SH3BGRL2: variants seen among roughly 807,000 people sequenced by gnomAD.
The protein encoded by SH3BGRL2 is SH3 domain-binding glutamic acid-rich-like protein 2.
Under a neutral mutation model 14.8 loss-of-function variants are expected in SH3BGRL2, and 21 were observed. The ratio of observed to expected loss-of-function variants is 1.42; its 90% CI spans 1.01 to 2.05. The LOEUF is 2.05. Among genes scored for constraint, SH3BGRL2 ranks in the 30% most tolerant of loss-of-function variants. The pLI is 0.00. For missense variants in SH3BGRL2, 147 were observed against 130.8 expected (o/e 1.12, Z -0.61); for synonymous variants, 50 against 47.8 (o/e 1.05, Z -0.19).
At chr6:79,597,825 C>T in the SH3BGRL2 span, among the ~76,000 whole-genome samples, 2 of 152,138 alleles carry the variant, frequency 1.3e-5, no homozygotes, top group Middle Eastern at 3.2e-3. Flanking sequence ...GAAAAGACAA[C>T]CCACCAAATG....
chr6:79,537,825 A>G, the SH3BGRL2 span, among the ~76,000 whole-genome samples: 1 of 152,064 alleles, frequency 6.6e-6, no homozygotes, highest in African/African-American at 2.4e-5. Context: ...ACAAATTACA[A>G]ACAAACTGCT....
At chr6:79,555,787 C>T in the SH3BGRL2 span, among the ~76,000 whole-genome samples, 1 of 152,112 alleles carries the variant, frequency 6.6e-6, no homozygotes, top group African/African-American at 2.4e-5. Context: ...GGATTACAGG[C>T]GTGAGCCACC....
chr6:79,673,940 G>A lies in SH3BGRL2; in HGVS notation c.231+141G>A, dbSNP rs562826909. 117 of 835,174 alleles carry A rather than the reference G, an allele frequency of 1.4e-4. No homozygotes were observed. The African/African-American group carries it at 1.8e-3, about 13-fold the overall frequency. 51.7% of individuals were successfully genotyped at this position (835,174 alleles called of 1,614,324 possible). On this transcript the variant is annotated intron_variant, in intron 2 of 3. Transcript: ENST00000369838. ...CAGATCCACATGTCTAACAGAGGGTGAAGTTGAGAAGGGATGTGAGTCCAA... is the reference window on the plus strand; with the variant it reads ...CAGATCCACATGTCTAACAGAGGGTAAAGTTGAGAAGGGATGTGAGTCCAA...
the SH3BGRL2 span, among the ~76,000 whole-genome samples, chr6:79,611,608 C>T: frequency 3.9e-5 from 6 of 152,126 alleles, no homozygotes; most frequent in Non-Finnish European, 7.4e-5. Flanking sequence ...GGCGGGGTTT[C>T]GCCATGTTGG....
intron 2 of SH3BGRL2, among the ~76,000 whole-genome samples, chr6:79,695,811 A>G (rs1289973842): frequency 1.3e-5 from 2 of 152,238 alleles, no homozygotes; most frequent in African/African-American, 4.8e-5. Context: ...ACTGCTTTAC[A>G]TATGATAAAT....
chr6:79,540,601 C>T, the SH3BGRL2 span, among the ~76,000 whole-genome samples: 1 of 151,994 alleles, frequency 6.6e-6, no homozygotes, highest in African/African-American at 2.4e-5. Flanking sequence ...TTAAAGGATA[C>T]AGTTTCTGAT....
At chr6:79,678,261 A>G (rs1382139537) in intron 2 of SH3BGRL2, among the ~76,000 whole-genome samples, 1 of 151,914 alleles carries the variant, frequency 6.6e-6, no homozygotes, top group African/African-American at 2.4e-5. Context: ...TTCATCTTGC[A>G]GATCTGAAAC....
intron 1 of SH3BGRL2, among the ~76,000 whole-genome samples, chr6:79,653,127 A>G (rs904003329): frequency 6.6e-6 from 1 of 152,214 alleles, no homozygotes; most frequent in Non-Finnish European, 1.5e-5. Flanking sequence ...TCATTTTGTC[A>G]AAGAGACTCC....
chr6:79,583,205 A>G, the SH3BGRL2 span, among the ~76,000 whole-genome samples: 3 of 152,234 alleles, frequency 2.0e-5, no homozygotes, highest in African/African-American at 7.2e-5. Context: ...TAGTTCAACC[A>G]TTGTGGAACA....
chr6:79,548,378 T>C, the SH3BGRL2 span, among the ~76,000 whole-genome samples: 2 of 152,368 alleles, frequency 1.3e-5, no homozygotes, highest in Middle Eastern at 3.4e-3. Flanking sequence ...ATTATTATTT[T>C]CATTATTAAA....
chr6:79,555,828 A>G, the SH3BGRL2 span, among the ~76,000 whole-genome samples: 1 of 152,206 alleles, frequency 6.6e-6, no homozygotes, highest in African/African-American at 2.4e-5. Context: ...TTTTAAAATG[A>G]AAATTAATAA....
the SH3BGRL2 span, among the ~76,000 whole-genome samples, chr6:79,540,583 TG>T: frequency 6.6e-6 from 1 of 152,182 alleles, no homozygotes; most frequent in African/African-American, 2.4e-5. Flanking sequence ...CTTTGATTAT[TG>T]CTCTGTTTAA....
chr6:79,538,875 G>A, the SH3BGRL2 span, among the ~76,000 whole-genome samples: 1 of 152,214 alleles, frequency 6.6e-6, no homozygotes, highest in Admixed American at 6.5e-5. Context: ...ACTTGAGAAA[G>A]CAGATTCAGA....
intron 1 of SH3BGRL2, among the ~76,000 whole-genome samples, chr6:79,640,470 C>A (rs1297647592): frequency 1.3e-5 from 2 of 152,192 alleles, no homozygotes; most frequent in Non-Finnish European, 2.9e-5. Context: ...GCAGATGGGG[C>A]CCCACCTCCC....
the SH3BGRL2 span, among the ~76,000 whole-genome samples, chr6:79,541,159 A>T: frequency 1.3e-5 from 2 of 152,124 alleles, no homozygotes; most frequent in African/African-American, 4.8e-5. Flanking sequence ...AGGCTGAGGC[A>T]GGAGAATTGC....
chr6:79,648,826 T>G (rs1334747553), intron 1 of SH3BGRL2, among the ~76,000 whole-genome samples: 1 of 152,206 alleles, frequency 6.6e-6, no homozygotes, highest in Non-Finnish European at 1.5e-5. Context: ...AAGTCTACTT[T>G]GGAAAACATA....
intron 2 of SH3BGRL2, among the ~76,000 whole-genome samples, chr6:79,692,947 T>C (rs985440386): frequency 3.3e-5 from 5 of 152,200 alleles, no homozygotes; most frequent in East Asian, 1.9e-4. Context: ...TTACCTTGGG[T>C]AGTATGGCCA....
chr6:79,550,599 T>C, the SH3BGRL2 span, among the ~76,000 whole-genome samples: 1 of 152,156 alleles, frequency 6.6e-6, no homozygotes, highest in African/African-American at 2.4e-5. Flanking sequence ...CATGATCTTA[T>C]AGAGTTAGCT....
chr6:79,664,294 C>G (rs1478579274), intron 1 of SH3BGRL2, among the ~76,000 whole-genome samples: 2 of 152,234 alleles, frequency 1.3e-5, no homozygotes, highest in African/African-American at 2.4e-5. Flanking sequence ...ATTCACCCAC[C>G]TTGGAACGGA....
Sources: gnomAD v4.1 joint callset for allele counts (sites outside exome capture counted in the v4.1 genomes callset) on GRCh38, gnomAD v4.1.1 for gene constraint, MANE v1.5 for transcripts, NCBI Gene and HGNC (gene_info 2026-07-23, HGNC 2026-07-21) for gene names.